The following ZFYVE28 variants were observed in gnomAD, a reference collection of about 807,000 sequenced individuals.
ZFYVE28 encodes lateral signaling target protein 2 homolog.
Under a neutral mutation model 82.1 loss-of-function variants are expected in ZFYVE28, and 40 were observed. That is an observed-to-expected ratio of 0.49 (90% CI 0.38 to 0.63). The LOEUF (loss-of-function observed/expected upper bound fraction) is 0.63, where lower values mean the gene tolerates loss of function less well. Among genes scored for constraint, ZFYVE28 ranks in the 30% least tolerant of loss-of-function variants. The pLI is 0.00. For missense variants in ZFYVE28, 1,321 were observed against 1,242.1 expected (o/e 1.06, Z -0.96); for synonymous variants, 612 against 546.1 (o/e 1.12, Z -1.68).
At chr4:2,370,170 C>T (rs1210975251) in intron 1 of ZFYVE28, among the ~76,000 whole-genome samples, 1 of 151,984 alleles carries the variant, frequency 6.6e-6, no homozygotes, top group African/African-American at 2.4e-5. Flanking sequence ...TTTAAGCACC[C>T]CACTGTGTGC....
intron 4 of ZFYVE28, 77 bp from the exon 5 acceptor site, chr4:2,337,573 T>A: frequency 8.6e-7 from 1 of 1,168,246 alleles, no homozygotes; most frequent in Non-Finnish European, 1.2e-6. Context: ...GGGGGCATCT[T>A]CAATTAAAGC....
At chr4:2,353,827 G>A (rs2031726) in intron 2 of ZFYVE28, 106 bp downstream of exon 2, 592,235 of 1,255,164 alleles carry the variant, frequency 0.47, 143,768 homozygotes, top group East Asian at 0.54. Flanking sequence ...CCCTGACAAC[G>A]CCACCACAGG....
intron 8 of ZFYVE28, among the ~76,000 whole-genome samples, chr4:2,282,187 C>A (rs2108804011): frequency 6.6e-6 from 1 of 152,362 alleles, no homozygotes; most frequent in South Asian, 2.1e-4. Flanking sequence ...GACACTCCCG[C>A]ACCGGCTGCC....
rs909112905 is a variant in ZFYVE28, at chr4:2,300,518, T to G, written c.2051+3771A>C. Among the ~76,000 whole-genome samples the G allele has an allele frequency of 3.9e-5, 6 of 152,260 alleles. No homozygotes were observed. Among genetic ancestry groups the G allele is most frequent in the Non-Finnish European group, 8.8e-5 (6 of 68,022 alleles). ...GTCCGGACTCCCAGGTGACAGCACC[T>G]GAGGAAACGCTCCAGAGAGGGGCTC... is the stretch of plus-strand genomic sequence containing the variant. On this transcript the variant is annotated intron_variant, in intron 8 of 12. Coordinates refer to ENST00000290974, the MANE Select transcript of ZFYVE28 (RefSeq NM_020972.3). This position sits in a 1 kb window ranked among gnomAD's most constrained non-coding sequence, Gnocchi z 4.6.
chr4:2,308,683 G>GAAAGAAAGAGAAAGAAAGAAAGA (rs1553830773), intron 7 of ZFYVE28, among the ~76,000 whole-genome samples: 3 of 81,442 alleles, frequency 3.7e-5, no homozygotes, highest in East Asian at 2.8e-4. Flanking sequence ...GAAAGAGAAA[G>GAAAGAAAGAGAAAGAAAGAAAGA]AAAGAAAAGA....
intron 8 of ZFYVE28, among the ~76,000 whole-genome samples, chr4:2,301,860 T>C (rs1472421647): frequency 1.3e-5 from 2 of 152,196 alleles, no homozygotes; most frequent in African/African-American, 4.8e-5. Context: ...GTGAAGCTCA[T>C]GCTGCATCTC....
At chr4:2,308,388 C>T (rs2108827014) in intron 7 of ZFYVE28, among the ~76,000 whole-genome samples, 1 of 151,748 alleles carries the variant, frequency 6.6e-6, no homozygotes, top group East Asian at 1.9e-4. Flanking sequence ...GGAAACTACC[C>T]AAAGCCCATT....
chr4:2,275,263 C>T (rs977276790), intron 8 of ZFYVE28, among the ~76,000 whole-genome samples: 16 of 152,204 alleles, frequency 1.1e-4, no homozygotes, highest in African/African-American at 3.9e-4. Flanking sequence ...CCACGGTGAC[C>T]CTATAAATCG....
chr4:2,304,385 T>C lies in ZFYVE28; in HGVS notation c.1955A>G (p.Glu652Gly). The stretch of plus-strand genomic sequence containing the variant: ...CTCCTGCTGACCTGCAACCCCAGCC[T>C]CTCCTTGCAGCCCACTCGCTGTGTC... The part of the protein sequence containing the change: ...QVDTASGLQG[E>G]AGVAGQQEPE... The change falls in exon 8 of 13, where the codon GAG becomes GGG. Residue 652 changes from glutamate (E) to glycine (G), a missense_variant. Glu to Gly is a moderately conservative substitution (Grantham distance 98). Around this residue, in one of 2 missense-constraint regions of ZFYVE28, gnomAD observed 978 missense variants for 833.7 expected, o/e 1.17. Coordinates refer to ENST00000290974, the MANE Select transcript of ZFYVE28 (RefSeq NM_020972.3). 1.2e-6 allele frequency: 2 copies of C among 1,612,616 alleles called. No homozygotes were observed. The highest frequency in any genetic ancestry group is 1.1e-5 in the South Asian group (1 of 91,088).
At chr4:2,304,175 G>A in intron 8 of ZFYVE28, 114 bp downstream of exon 8, 1 of 1,377,368 alleles carries the variant, frequency 7.3e-7, no homozygotes, top group Non-Finnish European at 9.7e-7. Context: ...CCCAGCACCT[G>A]CCGGTGGCCA....
At chr4:2,274,295 C>T in intron 8 of ZFYVE28, 79 bp from the exon 9 acceptor site, 1 of 1,524,242 alleles carries the variant, frequency 6.6e-7, no homozygotes, top group Non-Finnish European at 8.8e-7. Flanking sequence ...CTGGTCAAGA[C>T]AAAAGTCTGT....
intron 1 of ZFYVE28, among the ~76,000 whole-genome samples, chr4:2,401,180 G>A (rs566033012): frequency 6.6e-6 from 1 of 152,206 alleles, no homozygotes; most frequent in Admixed American, 6.5e-5. Flanking sequence ...AACTAAGGGG[G>A]GCCCCGAAGG....
intron 1 of ZFYVE28, among the ~76,000 whole-genome samples, chr4:2,404,906 C>T (rs1029815054): frequency 2.9e-5 from 4 of 136,584 alleles, no homozygotes; most frequent in Admixed American, 7.8e-5. Context: ...GTCACCCTTG[C>T]CCAGGCTGGA....
chr4:2,310,718 C>T (rs533400789), intron 7 of ZFYVE28, among the ~76,000 whole-genome samples: 1 of 152,114 alleles, frequency 6.6e-6, no homozygotes, highest in Admixed American at 6.5e-5. Context: ...GTGGGAGGAT[C>T]GCTTGAGCCT....
intron 1 of ZFYVE28, among the ~76,000 whole-genome samples, chr4:2,360,149 C>T (rs565311303): frequency 9.9e-5 from 15 of 152,134 alleles, no homozygotes; most frequent in Middle Eastern, 3.4e-3. Context: ...TCCTGAACAG[C>T]GTGTCCAAAG....
In ZFYVE28 at chr4:2,380,953, T is replaced by C. The variant is rs573759045; in HGVS notation, c.40-26880A>G. On this transcript the variant is annotated intron_variant, in intron 1 of 12. Transcript: ENST00000290974. ...AAATTGGTACCAGTACAGTGGGGTA[T>C]TGCTGAAAAGATATCCGAAAATGTG... 9.8e-5 allele frequency among the ~76,000 whole-genome samples: 15 copies of C among 152,296 alleles called. No individual in the cohort carries two copies. In the East Asian group the frequency reaches 1.9e-3, roughly 20 times the overall value.
chr4:2,335,551 G>A lies in ZFYVE28; in HGVS notation c.701+154C>T, dbSNP rs1018047200. Among the ~76,000 whole-genome samples the A allele has an allele frequency of 1.3e-5, 2 of 152,198 alleles. No homozygotes were observed. Among genetic ancestry groups the A allele is most frequent in the African/African-American group, 4.8e-5 (2 of 41,440 alleles). On this transcript the variant is annotated intron_variant, in intron 6 of 12. Coordinates refer to ENST00000290974, the MANE Select transcript of ZFYVE28 (RefSeq NM_020972.3). The surrounding 1 kb of genome is among the most constrained non-coding windows in gnomAD (Gnocchi z 5.8). ...CACGTGGTCCCCTGGTCTGCTGAGG[G>A]CTGACAGCAGGCCTGCCTGTCACTG...
chr4:2,353,899 G>T, intron 2 of ZFYVE28, 34 bp downstream of exon 2: 1 of 1,461,714 alleles, frequency 6.8e-7, no homozygotes, highest in East Asian at 2.7e-5. Context: ...AATGCCCAGC[G>T]GGGCCAGCCA....
intron 8 of ZFYVE28, among the ~76,000 whole-genome samples, chr4:2,301,282 C>T (rs553548525): frequency 2.2e-4 from 33 of 152,326 alleles, no homozygotes; most frequent in Admixed American, 5.9e-4. Context: ...CCACGGTGCA[C>T]ACCGCCTGTG....
Sources: gnomAD v4.1 joint callset for allele counts (sites outside exome capture counted in the v4.1 genomes callset) on GRCh38, gnomAD v4.1.1 for gene constraint, gnomAD v4.1.1 regional missense constraint, Gnocchi (gnomAD v3.1) non-coding constraint, MANE v1.5 for transcripts, NCBI Gene and HGNC (gene_info 2026-07-23, HGNC 2026-07-21) for gene names.